Variants in DNAI2 observed in about 807,000 individuals in gnomAD.
The protein encoded by DNAI2 is dynein axonemal intermediate chain 2.
A neutral mutation model predicts 74.7 loss-of-function variants in DNAI2; 63 were observed. The observed-to-expected ratio is 0.84, with a 90% CI of 0.69 to 1.04. The LOEUF (loss-of-function observed/expected upper bound fraction) is 1.04, where lower values mean the gene tolerates loss of function less well. Among genes scored for constraint, DNAI2 ranks in the 50% least tolerant of loss-of-function variants. The pLI, the probability that DNAI2 is intolerant of heterozygous loss-of-function variation, is 0.00. For synonymous variants in DNAI2, 289 were observed against 314.9 expected, an observed-to-expected ratio of 0.92 and a Z score of 0.87; for missense variants, 688 against 803.2, an observed-to-expected ratio of 0.86 and a Z score of 1.73.
intron 8 of DNAI2, among the ~76,000 whole-genome samples, chr17:74,303,353 G>A (rs1889191540): frequency 2.6e-5 from 4 of 152,112 alleles, no homozygotes; most frequent in Admixed American, 2.0e-4. Flanking sequence ...ACTGACGGGC[G>A]GCGTGCAGTC....
intron 9 of DNAI2, chr17:74,307,455 G>T: frequency 8.1e-6 from 3 of 369,948 alleles, no homozygotes; most frequent in Non-Finnish European, 1.6e-5. Flanking sequence ...ATCACTTGAG[G>T]TCAGGAGTTC....
At chr17:74,287,221 T>G in intron 4 of DNAI2, 123 bp downstream of exon 4, 1 of 1,469,392 alleles carries the variant, frequency 6.8e-7, no homozygotes, top group Non-Finnish European at 9.3e-7. Flanking sequence ...GCTCTGAGCT[T>G]GATAAGTGAC....
In DNAI2 at chr17:74,285,970, T is replaced by TAG. The variant is rs3056091; in HGVS notation, c.345+795_345+796dup. ...ATACACACACACACATATATATATA[T>TAG]AGAGAGAGAGAGAGAGAGAGAGAGA... On this transcript the variant is annotated intron_variant, in intron 3 of 13. Transcript: ENST00000311014. 1.7e-3 allele frequency among the ~76,000 whole-genome samples: 257 copies of TAG among 146,922 alleles called. 3 individuals are homozygous for TAG. Among genetic ancestry groups the TAG allele is most frequent in the South Asian group, 0.011 (50 of 4,520 alleles).
chr17:74,307,217 G>A (rs1321957168), intron 9 of DNAI2: 15 of 455,956 alleles, frequency 3.3e-5, no homozygotes, highest in Non-Finnish European at 5.3e-5. Flanking sequence ...CCTGCAGGCT[G>A]CCAGGGCTGT....
rs1169506158 is a variant in DNAI2, at chr17:74,310,181, G to A, written c.1494+18G>A. The A allele has an allele frequency of 2.5e-6, 4 of 1,612,520 alleles. No homozygotes were observed. The highest frequency in any genetic ancestry group is 1.7e-6 in the Non-Finnish European group (2 of 1,179,894). On this transcript the variant is annotated intron_variant, in intron 11 of 13. Coordinates refer to ENST00000311014, the MANE Select transcript of DNAI2 (RefSeq NM_023036.6). ...CCTCTTCCGTAAGCACCGGGTGCCT[G>A]GGGAAAATCCCTCCAGCACGTCCCG...
intron 4 of DNAI2, among the ~76,000 whole-genome samples, chr17:74,287,299 G>T (rs2051811219): frequency 6.6e-6 from 1 of 152,232 alleles, no homozygotes; most frequent in Non-Finnish European, 1.5e-5. Context: ...TGGAAAGGGA[G>T]TACAGACTCC....
At chr17:74,306,676 G>A (rs1277555876) in intron 9 of DNAI2, among the ~76,000 whole-genome samples, 1 of 152,196 alleles carries the variant, frequency 6.6e-6, no homozygotes, top group Non-Finnish European at 1.5e-5. Context: ...GAAGTGCAAT[G>A]GCGAGATCTC....
chr17:74,300,655 A>G lies in DNAI2; in HGVS notation c.865-391A>G, dbSNP rs370735250. Among the ~76,000 whole-genome samples, 21 of 152,352 alleles carry G rather than the reference A, an allele frequency of 1.4e-4. No homozygotes were observed. Among genetic ancestry groups the G allele is most frequent in the African/African-American group, 5.1e-4 (21 of 41,578 alleles). ...CACAGATTGTTGCACACATGCGGGGATATATCTACAGCAGACATTGCTGGC... is the reference window on the plus strand; with the variant it reads ...CACAGATTGTTGCACACATGCGGGGGTATATCTACAGCAGACATTGCTGGC... On this transcript the variant is annotated intron_variant, in intron 7 of 13. Coordinates refer to ENST00000311014, the MANE Select transcript of DNAI2 (RefSeq NM_023036.6). The surrounding 1 kb of genome is among the most constrained non-coding windows in gnomAD (Gnocchi z 4.5).
rs1221873989 is a variant in DNAI2 at position 74,287,515 on chromosome 17, G to C, written c.467+417G>C. Among the ~76,000 whole-genome samples, 3 of 152,216 alleles carry C rather than the reference G, an allele frequency of 2.0e-5. No individual in the cohort carries two copies. The East Asian group carries it at 5.8e-4, about 29-fold the overall frequency. On this transcript the variant is annotated intron_variant, in intron 4 of 13. Coordinates refer to ENST00000311014, the MANE Select transcript of DNAI2 (RefSeq NM_023036.6). ...TTCATCCCACAGGTTGTGTGTGTGT[G>C]TGTGTGTGAAATCACCGCAGGCGTG...
chr17:74,309,971 T>C (rs759964418), intron 10 of DNAI2, 46 bp from the exon 11 acceptor site: 34 of 1,511,924 alleles, frequency 2.2e-5, no homozygotes, highest in Non-Finnish European at 2.9e-5. Flanking sequence ...CACACATAAC[T>C]TTGCTCCTCT....
chr17:74,303,236 A>G (rs1338182918), intron 8 of DNAI2, among the ~76,000 whole-genome samples: 1 of 152,134 alleles, frequency 6.6e-6, no homozygotes, highest in Non-Finnish European at 1.5e-5. Flanking sequence ...ACTCAAACCC[A>G]GGGCTCCAAC....
At chr17:74,295,109 T>G (rs2052352111) in intron 6 of DNAI2, among the ~76,000 whole-genome samples, 1 of 151,926 alleles carries the variant, frequency 6.6e-6, no homozygotes, top group Non-Finnish European at 1.5e-5. Context: ...ATAATTTCTG[T>G]CTCATTTGGA....
chr17:74,303,822 A>G (rs1368476179), intron 8 of DNAI2, among the ~76,000 whole-genome samples: 1 of 152,096 alleles, frequency 6.6e-6, no homozygotes, highest in African/African-American at 2.4e-5. Flanking sequence ...TTTTTAAAAA[A>G]ATAAAAATAA....
chr17:74,287,208 T>A, intron 4 of DNAI2, 110 bp downstream of exon 4: 1 of 1,504,368 alleles, frequency 6.6e-7, no homozygotes, highest in Non-Finnish European at 9.1e-7. Context: ...CAGCACTGTC[T>A]GTGCTCTGAG....
intron 8 of DNAI2, 66 bp downstream of exon 8, chr17:74,301,234 C>T (rs1344965751): frequency 3.7e-6 from 6 of 1,605,052 alleles, no homozygotes; most frequent in African/African-American, 1.3e-5. Context: ...AAAGACAGGC[C>T]ATTGCTAGGA....
rs375896715 is a variant in DNAI2, at chr17:74,305,396, C to G, written c.1165C>G (p.Arg389Gly). ...NFLTVGDWTA[R>G]IWSEDSRESS... ...CCTGACGGTTGGCGACTGGACAGCC[C>G]GCATTTGGTCTGAAGACAGCCGGGA... The change falls in exon 9 of 14, where the codon CGC (arginine) becomes GGC (glycine). Residue 389 changes from arginine (R) to glycine (G), a missense_variant. By Grantham distance (125) the Arg-to-Gly change is moderately radical. Transcript: ENST00000311014. 3.1e-6 allele frequency: 5 copies of G among 1,614,134 alleles called. No homozygotes were observed. The highest frequency in any genetic ancestry group is 4.2e-6 in the Non-Finnish European group (5 of 1,180,032).
chr17:74,293,870 G>C (rs1023530260), intron 6 of DNAI2, among the ~76,000 whole-genome samples: 1 of 151,258 alleles, frequency 6.6e-6, no homozygotes, highest in African/African-American at 2.4e-5. Flanking sequence ...TGCAACCTCC[G>C]CCTCCTGGGT....
chr17:74,291,066 C>G lies in DNAI2; in HGVS notation c.657C>G (p.Leu219=), dbSNP rs539461253. ...PELALKPSSP[L]VTLEFNPKDS... ...TTGCTCTGAAGCCATCGTCTCCACT[C>G]GTGACGTTGGAGTTCAACCCCAAAG... The change falls in exon 6 of 14, where the codon CTC becomes CTG. Residue 219 remains leucine, a synonymous_variant. Transcript: ENST00000311014. 1.2e-6 allele frequency: 2 copies of G among 1,614,218 alleles called. No homozygotes were observed. The highest frequency in any genetic ancestry group is 1.7e-6 in the Non-Finnish European group (2 of 1,180,038).
rs1274011030 is a variant in DNAI2, at chr17:74,274,341, C to CCAGG, written c.-15_-12dup. ...AGACCCAGAAGCAGAAGGAGCGGAC[C>CCAGG]CAGGGTAAGGGGCGGGCGCCAGGAG... On this transcript the variant is annotated 5_prime_UTR_variant, in exon 1 of 14. Transcript: ENST00000311014. The CCAGG allele has an allele frequency of 2.6e-5, 4 of 152,364 alleles. No individual in the cohort carries two copies. The highest frequency in any genetic ancestry group is 9.7e-5 in the African/African-American group (4 of 41,410). 9.4% of individuals were successfully genotyped at this position (152,364 alleles called of 1,614,324 possible). A position where few individuals can be genotyped will look rare whatever the true frequency, so the allele number is the denominator to read the frequency against.
Sources: gnomAD v4.1 joint callset for allele counts (sites outside exome capture counted in the v4.1 genomes callset) on GRCh38, gnomAD v4.1.1 for gene constraint, Gnocchi (gnomAD v3.1) non-coding constraint, MANE v1.5 for transcripts, NCBI Gene and HGNC (gene_info 2026-07-23, HGNC 2026-07-21) for gene names.